Variants in ZC3H12C observed in about 807,000 individuals in gnomAD.
The protein encoded by ZC3H12C is zinc finger CCCH-type containing 12C.
ZC3H12C carries 20 observed loss-of-function variants against 76.3 expected under a neutral mutation model. That is an observed-to-expected ratio of 0.26 (90% CI 0.18 to 0.38). The LOEUF (loss-of-function observed/expected upper bound fraction) is 0.38. Among genes scored for constraint, ZC3H12C ranks in the 10% least tolerant of loss-of-function variants. The probability of loss-of-function intolerance (pLI) is 1.00; values close to 1 mark genes in which losing one functional copy is unlikely to be tolerated. For missense variants in ZC3H12C, 874 were observed against 1,086.5 expected, an observed-to-expected ratio of 0.80 and a Z score of 2.75; for synonymous variants, 352 against 399.6, an observed-to-expected ratio of 0.88 and a Z score of 1.42.
In ZC3H12C at chr11:110,165,403, G is replaced by A. The variant is rs1054880031; in HGVS notation, c.2318G>A (p.Gly773Asp). The change falls in exon 6 of 6, where the codon GGC becomes GAC. Residue 773 changes from glycine to aspartate, a missense_variant. This residue lies in a region of ZC3H12C where 395 missense variants were observed against 434.4 expected (regional missense o/e 0.91). Transcript: ENST00000278590. ...AGAAAGCCTTATTCCCGCCAGGAAG[G>A]CCTGGGAAGCTGGGAGAGGCCAGGC... ...RQRKPYSRQEGLGSWERPGYG... is the reference protein window; with the variant it reads ...RQRKPYSRQEDLGSWERPGYG... 5 of 1,613,880 alleles carry A rather than the reference G, an allele frequency of 3.1e-6. No individual in the cohort carries two copies. The highest frequency in any genetic ancestry group is 4.2e-6 in the Non-Finnish European group (5 of 1,179,894).
intron 1 of ZC3H12C, among the ~76,000 whole-genome samples, chr11:110,105,170 G>A (rs1030002698): frequency 6.6e-6 from 1 of 151,992 alleles, no homozygotes; most frequent in African/African-American, 2.4e-5. Flanking sequence ...GCACTCACAG[G>A]GAACAGTTTT....
At chr11:110,143,898 G>C (rs1387268754) in intron 2 of ZC3H12C, among the ~76,000 whole-genome samples, 1 of 152,084 alleles carries the variant, frequency 6.6e-6, no homozygotes, top group Non-Finnish European at 1.5e-5. Context: ...TATCACGATA[G>C]GTAGGTTAAT....
intron 1 of ZC3H12C, among the ~76,000 whole-genome samples, chr11:110,128,438 C>G (rs1304631565): frequency 6.6e-6 from 1 of 152,146 alleles, no homozygotes; most frequent in Non-Finnish European, 1.5e-5. Flanking sequence ...CTGCTGAGCC[C>G]TGGGGTAGTT....
rs748358608 is a variant in ZC3H12C at position 110,165,038 on chromosome 11, C to T, written c.1953C>T (p.Ser651=). The T allele has an allele frequency of 4.3e-6, 7 of 1,613,912 alleles. No individual in the cohort carries two copies. The East Asian group carries it at 1.3e-4, about 31-fold the overall frequency. Residue 651 remains serine, a synonymous_variant, in exon 6 of 6, where the codon TCC becomes TCT. Coordinates refer to ENST00000278590, the MANE Select transcript of ZC3H12C (RefSeq NM_033390.2). The part of the protein sequence containing the change: ...VGYNDRSYVS[S]PDPQLEENLK... ...ACAATGACCGGTCCTATGTCAGCTCCCCCGACCCACAGCTAGAGGAGAATT... is the reference window on the plus strand; with the variant it reads ...ACAATGACCGGTCCTATGTCAGCTCTCCCGACCCACAGCTAGAGGAGAATT...
chr11:110,130,082 C>CTTTTAA (rs1861832664), intron 1 of ZC3H12C, among the ~76,000 whole-genome samples: 6 of 152,228 alleles, frequency 3.9e-5, no homozygotes, highest in Middle Eastern at 3.4e-3. Context: ...TACTTTTAAA[C>CTTTTAA]AGTTATGTTG....
chr11:110,099,520 C>A (rs2134142086), intron 1 of ZC3H12C, among the ~76,000 whole-genome samples: 1 of 152,046 alleles, frequency 6.6e-6, no homozygotes, highest in East Asian at 1.9e-4. Flanking sequence ...AAATGAAAGC[C>A]ACCTAAAATC....
intron 1 of ZC3H12C, among the ~76,000 whole-genome samples, chr11:110,133,160 T>C (rs1861896138): frequency 6.6e-6 from 1 of 152,166 alleles, no homozygotes; most frequent in Non-Finnish European, 1.5e-5. Flanking sequence ...AGGTGCCCTA[T>C]TAAGTAAGGG....
At chr11:110,123,092 T>C (rs1331410856) in intron 1 of ZC3H12C, among the ~76,000 whole-genome samples, 9 of 152,204 alleles carry the variant, frequency 5.9e-5, no homozygotes, top group African/African-American at 2.2e-4. Flanking sequence ...AATTTTGCAT[T>C]TAATATTTTC....
intron 1 of ZC3H12C, 33 bp downstream of exon 1, chr11:110,093,465 A>C: frequency 8.4e-7 from 1 of 1,192,892 alleles, no homozygotes; most frequent in Non-Finnish European, 1.0e-6. Context: ...GGGGACGCGG[A>C]CCGCGGCGAG....
chr11:110,152,292 G>A (rs548453624), intron 2 of ZC3H12C, among the ~76,000 whole-genome samples: 3 of 152,280 alleles, frequency 2.0e-5, no homozygotes, highest in Non-Finnish European at 4.4e-5. Context: ...TGTCCAACAC[G>A]ATATAGTTGA....
intron 1 of ZC3H12C, among the ~76,000 whole-genome samples, chr11:110,112,165 G>T (rs953864284): frequency 9.2e-5 from 14 of 152,176 alleles, no homozygotes; most frequent in Non-Finnish European, 2.1e-4. Flanking sequence ...AGTCATGTAA[G>T]CATCGGAACA....
At chr11:110,097,016 A>C (rs1239356479) in intron 1 of ZC3H12C, among the ~76,000 whole-genome samples, 1 of 152,246 alleles carries the variant, frequency 6.6e-6, no homozygotes, top group Non-Finnish European at 1.5e-5. Flanking sequence ...TTCTCAGACT[A>C]TAGAAATGTA....
At chr11:110,130,998 C>A in intron 1 of ZC3H12C, 1 of 1,531,192 alleles carries the variant, frequency 6.5e-7, no homozygotes, top group Non-Finnish European at 8.7e-7. Context: ...ATCTGTTCAA[C>A]CATTCATTGT....
rs565219902 is a variant in ZC3H12C, at chr11:110,096,745, A to T, written c.21+3313A>T. 1.8e-4 allele frequency among the ~76,000 whole-genome samples: 27 copies of T among 152,368 alleles called. No individual in the cohort carries two copies. In the South Asian group the frequency reaches 2.5e-3, roughly 14 times the overall value. ...ATTAAGTGATGCATAGTGAGTATGT[A>T]AGACGAGAAGCCTTTCCTCTGCATA... On this transcript the variant is annotated intron_variant, in intron 1 of 5. Coordinates refer to ENST00000278590, the MANE Select transcript of ZC3H12C (RefSeq NM_033390.2).
At chr11:110,151,657 T>G (rs581464) in intron 2 of ZC3H12C, among the ~76,000 whole-genome samples, 104,618 of 151,914 alleles carry the variant, frequency 0.69, 36,831 homozygotes, top group South Asian at 0.79. Flanking sequence ...CTTTTGATGG[T>G]GCATTCACCA....
intron 1 of ZC3H12C, chr11:110,130,950 C>G (rs756340463): frequency 7.3e-7 from 1 of 1,366,256 alleles, no homozygotes; most frequent in Non-Finnish European, 9.9e-7. Flanking sequence ...GGCTGTTATT[C>G]CACTCGGTAA....
intron 2 of ZC3H12C, among the ~76,000 whole-genome samples, chr11:110,147,194 G>A (rs535973631): frequency 5.9e-5 from 9 of 152,276 alleles, no homozygotes; most frequent in East Asian, 5.8e-4. Context: ...GAGCACCTCG[G>A]CAAATGTTTC....
chr11:110,165,238 G>C lies in ZC3H12C; in HGVS notation c.2153G>C (p.Arg718Pro). 8.1e-6 allele frequency: 13 copies of C among 1,613,968 alleles called. No homozygotes were observed. Among genetic ancestry groups the C allele is most frequent in the Non-Finnish European group, 5.9e-6 (7 of 1,179,900 alleles). ...LHLPHSAVGA[R>P]SSCPGDYPSP... is the part of the protein sequence containing the mutation. ...CTGCCGCACTCCGCTGTGGGCGCCCGGTCCAGCTGTCCTGGCGACTACCCC... is the reference window on the plus strand; with the variant it reads ...CTGCCGCACTCCGCTGTGGGCGCCCCGTCCAGCTGTCCTGGCGACTACCCC... The change falls in exon 6 of 6, where the codon CGG becomes CCG. Residue 718 changes from arginine to proline, a missense_variant. By Grantham distance (103) the Arg-to-Pro change is moderately radical. Transcript: ENST00000278590.
Position 110,164,883 on chromosome 11 carries a change from A to T in ZC3H12C, c.1798A>T (p.Ser600Cys), listed in dbSNP as rs763368221. 2.0e-5 allele frequency: 33 copies of T among 1,613,886 alleles called. No individual in the cohort carries two copies. The Admixed American group carries it at 2.7e-4, about 13-fold the overall frequency. The stretch of plus-strand genomic sequence containing the variant: ...CATGTTGAATGCATACTCAAATCTG[A>T]GTCTCTCAGGCCCACGAAGCCCTGA... Reference protein sequence around the residue: ...YSMLNAYSNLSLSGPRSPERR... With the variant: ...YSMLNAYSNLCLSGPRSPERR... Residue 600 changes from serine (S) to cysteine (C), a missense_variant, in exon 6 of 6, where the codon AGT becomes TGT. Physicochemically the swap from Ser to Cys is moderately radical, Grantham distance 112. This residue lies in a region of ZC3H12C where 395 missense variants were observed against 434.4 expected (regional missense o/e 0.91). Coordinates refer to ENST00000278590, the MANE Select transcript of ZC3H12C (RefSeq NM_033390.2). The surrounding 1 kb of genome is among the most constrained non-coding windows in gnomAD (Gnocchi z 5.7).
Sources: allele counts gnomAD v4.1 joint callset (sites outside exome capture counted in the v4.1 genomes callset), GRCh38; gene constraint gnomAD v4.1.1; regional missense constraint gnomAD v4.1.1; non-coding constraint Gnocchi (gnomAD v3.1); transcripts MANE v1.5; gene names NCBI Gene and HGNC (gene_info 2026-07-23, HGNC 2026-07-21).